MGAT5B: variants seen among roughly 807,000 people sequenced by gnomAD.
The protein encoded by MGAT5B is N-acetylglucosaminyl-transferase Vb.
MGAT5B carries 54 observed loss-of-function variants against 95.1 expected under a neutral mutation model. That is an observed-to-expected ratio of 0.57 (90% CI 0.46 to 0.71). The LOEUF is 0.71. Among genes scored for constraint, MGAT5B ranks in the 30% least tolerant of loss-of-function variants. The pLI is 0.00. For synonymous variants in MGAT5B, 464 were observed against 451.0 expected (o/e 1.03, Z -0.36); for missense variants, 935 against 1,088.6 (o/e 0.86, Z 1.99).
intron 3 of MGAT5B, among the ~76,000 whole-genome samples, chr17:76,895,632 G>A (rs990828149): frequency 4.8e-4 from 73 of 152,200 alleles, no homozygotes; most frequent in African/African-American, 1.6e-3. Context: ...CTCTGTTTGT[G>A]AGTTTCAGAC....
At chr17:76,886,598 A>G (rs1967636904) in intron 3 of MGAT5B, among the ~76,000 whole-genome samples, 2 of 152,188 alleles carry the variant, frequency 1.3e-5, no homozygotes, top group Middle Eastern at 6.8e-3. Flanking sequence ...GACAGCCAGC[A>G]CTCTGGACAG....
chr17:76,947,579 C>T (rs1170976971), intron 16 of MGAT5B, among the ~76,000 whole-genome samples: 1 of 152,214 alleles, frequency 6.6e-6, no homozygotes, highest in Non-Finnish European at 1.5e-5. Flanking sequence ...AATCCAAGTC[C>T]TGTTCTGCCA....
At chr17:76,924,926 G>A (rs774075698) in intron 8 of MGAT5B, 40 bp from the exon 9 acceptor site, 3 of 1,609,800 alleles carry the variant, frequency 1.9e-6, no homozygotes, top group Non-Finnish European at 8.5e-7. Context: ...TGGGCAGGTG[G>A]GTTTCTTGGG....
In MGAT5B at chr17:76,905,102, C is replaced by T; in HGVS notation, c.691-67C>T. The T allele has an allele frequency of 1.3e-6, 2 of 1,512,910 alleles. No homozygotes were observed. The highest frequency in any genetic ancestry group is 2.3e-5 in the East Asian group (1 of 43,218). 93.7% of individuals were successfully genotyped at this position (1,512,910 alleles called of 1,614,324 possible). A position where few individuals can be genotyped will look rare whatever the true frequency, so the allele number is the denominator to read the frequency against. ...ATGGGAGGGTGCCAGCCCCTGTCCC[C>T]AGGCCAGCGGGGAATGATGGTGGCC... On this transcript the variant is annotated intron_variant, in intron 6 of 17. Transcript: ENST00000569840. This position sits in a 1 kb window ranked among gnomAD's most constrained non-coding sequence, Gnocchi z 4.2.
In MGAT5B at chr17:76,868,436, G is replaced by T. The variant is rs1470250557; in HGVS notation, c.-594G>T. On this transcript the variant is annotated 5_prime_UTR_variant, in exon 1 of 18. Transcript: ENST00000569840. This position sits in a 1 kb window ranked among gnomAD's most constrained non-coding sequence, Gnocchi z 6.3. ...CGCCTCCTCCGAGGAACAATGCGGC[G>T]CCTCCGGGCGTAGCGTCGCGCGGGG... 6.6e-6 allele frequency: 1 copy of T among 150,976 alleles called. No homozygotes were observed. Among genetic ancestry groups the T allele is most frequent in the Non-Finnish European group, 1.5e-5 (1 of 67,624 alleles). 9.4% of individuals were successfully genotyped at this position (150,976 alleles called of 1,614,324 possible).
Position 76,872,886 on chromosome 17 carries a change from G to T in MGAT5B, c.104G>T (p.Cys35Phe). The T allele has an allele frequency of 6.2e-7, 1 of 1,614,208 alleles. No individual in the cohort carries two copies. Among genetic ancestry groups the T allele is most frequent in the Non-Finnish European group, 8.5e-7 (1 of 1,180,040 alleles). The part of the protein sequence containing the change: ...FVLGIGFFTL[C>F]FLMTSLGGQF... Reference sequence around the variant, plus strand: ...CTGGGCATCGGCTTCTTCACTCTCTGCTTCCTGATGACGTCTCTGGGAGGC... The same window carrying T: ...CTGGGCATCGGCTTCTTCACTCTCTTCTTCCTGATGACGTCTCTGGGAGGC... Residue 35 changes from cysteine (C) to phenylalanine (F), a missense_variant, in exon 2 of 18, where the codon TGC (cysteine) becomes TTC (phenylalanine). By Grantham distance (205) the Cys-to-Phe change is radical (BLOSUM62 -2). Coordinates refer to ENST00000569840, the MANE Select transcript of MGAT5B (RefSeq NM_001199172.2).
intron 8 of MGAT5B, among the ~76,000 whole-genome samples, chr17:76,921,017 A>C (rs1478703319): frequency 6.6e-6 from 1 of 152,152 alleles, no homozygotes; most frequent in Non-Finnish European, 1.5e-5. Flanking sequence ...AGGTGGGAAG[A>C]GGTGACTTGG....
At chr17:76,948,205 C>G in intron 17 of MGAT5B, 119 bp downstream of exon 17, 1 of 1,442,588 alleles carries the variant, frequency 6.9e-7, no homozygotes, top group African/African-American at 1.4e-5. Context: ...GGATGTAATG[C>G]TTTCCAATGA....
intron 8 of MGAT5B, among the ~76,000 whole-genome samples, chr17:76,907,802 CTCCAAT>C (rs2145199038): frequency 6.6e-6 from 1 of 152,346 alleles, no homozygotes; most frequent in South Asian, 2.1e-4. Flanking sequence ...AAAGTGATTG[CTCCAAT>C]TCAGAGACTC....
intron 8 of MGAT5B, among the ~76,000 whole-genome samples, chr17:76,922,590 G>T (rs1384215759): frequency 1.3e-5 from 2 of 152,222 alleles, no homozygotes; most frequent in African/African-American, 4.8e-5. Context: ...AAGTCTCCAG[G>T]TTGTGGGAGT....
intron 2 of MGAT5B, among the ~76,000 whole-genome samples, chr17:76,880,657 C>A: frequency 6.6e-6 from 1 of 152,216 alleles, no homozygotes; most frequent in East Asian, 1.9e-4. Flanking sequence ...AGCTCAGAGC[C>A]ATTCAATGAC....
intron 3 of MGAT5B, among the ~76,000 whole-genome samples, chr17:76,890,031 C>G (rs918177559): frequency 5.9e-5 from 9 of 152,238 alleles, no homozygotes; most frequent in African/African-American, 2.2e-4. Flanking sequence ...CGTGGGTGGT[C>G]TCCTGGCCTG....
Position 76,904,547 on chromosome 17 carries a change from C to G in MGAT5B, c.690+125C>G, listed in dbSNP as rs1968447110. ...CTGCTTGCCAGGTGTGTGGGCAGGT[C>G]CGAGCCCACCCTACCGGGCAGACGG... On this transcript the variant is annotated intron_variant, in intron 6 of 17. Transcript: ENST00000569840. 2.7e-6 allele frequency: 3 copies of G among 1,108,952 alleles called. No individual in the cohort carries two copies. The South Asian group carries it at 4.9e-5, about 18-fold the overall frequency. The allele number at this position is 1,108,952 out of a possible 1,614,324, so 68.7% of individuals were successfully genotyped here.
rs1968525989 is a variant in MGAT5B at position 76,906,282 on chromosome 17, CT to C, written c.1025+96del. On this transcript the variant is annotated intron_variant, in intron 8 of 17. Coordinates refer to ENST00000569840, the MANE Select transcript of MGAT5B (RefSeq NM_001199172.2). The surrounding 1 kb of genome is among the most constrained non-coding windows in gnomAD (Gnocchi z 4.6). ...CTCCCAGGGGCTGTGGGAGCACCTG[CT>C]CTGCCTGCAGGTCCCACGGCCCTGA... 8.2e-5 allele frequency: 104 copies of C among 1,272,780 alleles called. 2 individuals carry two copies. The South Asian group carries it at 1.5e-3, about 18-fold the overall frequency. The allele number at this position is 1,272,780 out of a possible 1,614,324, so 78.8% of individuals were successfully genotyped here.
chr17:76,948,794 G>T lies in MGAT5B; in HGVS notation c.2335G>T (p.Asp779Tyr). 1 of 1,608,596 alleles carries T rather than the reference G, an allele frequency of 6.2e-7. No individual in the cohort carries two copies. The highest frequency in any genetic ancestry group is 8.5e-7 in the Non-Finnish European group (1 of 1,178,208). The change falls in exon 18 of 18, where the codon GAC (aspartate) becomes TAC (tyrosine). Residue 779 changes from aspartate (D) to tyrosine (Y), a missense_variant. Transcript: ENST00000569840. The stretch of plus-strand genomic sequence containing the variant: ...GTACCGCCGGCTCTGCCCCTGCCGC[G>T]ACTTCCGCAAGGGCCAGGTGGCCTT... ...TKYRRLCPCR[D>Y]FRKGQVALCQ...
At chr17:76,932,575 A>C in intron 10 of MGAT5B, 70 bp from the exon 11 acceptor site, 92 of 1,523,970 alleles carry the variant, frequency 6.0e-5, no homozygotes, top group East Asian at 2.1e-4. Flanking sequence ...TGGGCGGGGC[A>C]GTCCAGGGAG....
intron 15 of MGAT5B, among the ~76,000 whole-genome samples, chr17:76,941,059 G>A (rs905883346): frequency 5.3e-5 from 8 of 152,238 alleles, no homozygotes; most frequent in African/African-American, 1.9e-4. Context: ...CTACTCAGGT[G>A]TGATGTGTGG....
chr17:76,886,129 T>C (rs1967621662), intron 3 of MGAT5B, among the ~76,000 whole-genome samples: 1 of 152,220 alleles, frequency 6.6e-6, no homozygotes, highest in Non-Finnish European at 1.5e-5. Flanking sequence ...TCAAGCCAAA[T>C]AGTAATGATC....
intron 12 of MGAT5B, among the ~76,000 whole-genome samples, chr17:76,936,667 T>G (rs534340396): frequency 6.6e-6 from 1 of 152,232 alleles, no homozygotes; most frequent in Non-Finnish European, 1.5e-5. Context: ...CGTGTAGATA[T>G]CATGTTTCAT....
Sources: gnomAD v4.1 joint callset for allele counts (sites outside exome capture counted in the v4.1 genomes callset) on GRCh38, gnomAD v4.1.1 for gene constraint, Gnocchi (gnomAD v3.1) non-coding constraint, MANE v1.5 for transcripts, NCBI Gene and HGNC (gene_info 2026-07-23, HGNC 2026-07-21) for gene names.